Variants in RBKS observed in about 807,000 individuals in gnomAD.
RBKS encodes ribokinase.
RBKS carries 33 observed loss-of-function variants against 33.9 expected under a neutral mutation model. The ratio of observed to expected loss-of-function variants is 0.97; its 90% CI spans 0.74 to 1.30. RBKS has a LOEUF of 1.30. RBKS is among the 50% of genes most tolerant of loss of function. The pLI is 0.00. For missense variants in RBKS, 361 were observed against 392.6 expected, an observed-to-expected ratio of 0.92 and a Z score of 0.68; for synonymous variants, 125 against 143.0, an observed-to-expected ratio of 0.87 and a Z score of 0.90.
intron 7 of RBKS, among the ~76,000 whole-genome samples, chr2:27,790,143 G>A (rs991077671): frequency 1.3e-5 from 2 of 151,682 alleles, no homozygotes; most frequent in African/African-American, 4.8e-5. Flanking sequence ...CCTGGCCCAT[G>A]ATTTTGAAGC....
At chr2:27,801,950 GAAAA>G (rs1217494223) in intron 7 of RBKS, among the ~76,000 whole-genome samples, 39 of 40,496 alleles carry the variant, frequency 9.6e-4, no homozygotes, top group African/African-American at 3.6e-3. Context: ...AGTAGCTGGG[GAAAA>G]AAAAAAAAAA....
chr2:27,857,498 G>A (rs976370072), intron 2 of RBKS, among the ~76,000 whole-genome samples: 22 of 152,184 alleles, frequency 1.4e-4, no homozygotes, highest in African/African-American at 5.1e-4. Flanking sequence ...CAAAAGCTCA[G>A]TTATATGTAG....
chr2:27,789,973 G>GTGTATATATATATA (rs1677489204), intron 7 of RBKS, among the ~76,000 whole-genome samples: 1 of 85,260 alleles, frequency 1.2e-5, no homozygotes, highest in Non-Finnish European at 2.3e-5. Flanking sequence ...ATATATATAT[G>GTGTATATATATATA]TATATATATA....
chr2:27,784,840 G>A (rs1224204716), intron 7 of RBKS, among the ~76,000 whole-genome samples: 1 of 152,152 alleles, frequency 6.6e-6, no homozygotes, highest in Non-Finnish European at 1.5e-5. Flanking sequence ...TAGGTGCTTT[G>A]CAACATTTAC....
At chr2:27,859,021 T>A (rs781119434) in intron 1 of RBKS, among the ~76,000 whole-genome samples, 2 of 152,332 alleles carry the variant, frequency 1.3e-5, no homozygotes, top group East Asian at 1.9e-4. Flanking sequence ...AGGATTCTGA[T>A]AATCAAGTAC....
rs926012325 is a variant in RBKS, at chr2:27,889,428, C to G, written c.89+829G>C. ...AAAAGATATTCATCAAAAGACTGAACTGCAGTAATTGGAGTGGTAGGATTT... is the reference window on the plus strand; with the variant it reads ...AAAAGATATTCATCAAAAGACTGAAGTGCAGTAATTGGAGTGGTAGGATTT... On this transcript the variant is annotated intron_variant, in intron 1 of 7. Coordinates refer to ENST00000302188, the MANE Select transcript of RBKS (RefSeq NM_022128.3). 5.6e-4 allele frequency among the ~76,000 whole-genome samples: 85 copies of G among 152,250 alleles called. 2 individuals are homozygous for G. The highest frequency in any genetic ancestry group is 2.0e-3 in the African/African-American group (82 of 41,546).
At position 27,848,013 on chromosome 2, in the gene RBKS, T is replaced by A. The variant is rs557380108; in HGVS notation, c.286+21A>T. On this transcript the variant is annotated intron_variant, in intron 3 of 7. Coordinates refer to ENST00000302188, the MANE Select transcript of RBKS (RefSeq NM_022128.3). Reference sequence around the variant, plus strand: ...AGAAAAAAGCTATAAACACTAACTTTAAAAAAGGTGGGAATTTTACCTGTA... The same window carrying A: ...AGAAAAAAGCTATAAACACTAACTTAAAAAAAGGTGGGAATTTTACCTGTA... 84 of 1,319,138 alleles carry A rather than the reference T, an allele frequency of 6.4e-5. No homozygotes were observed. The South Asian group carries it at 1.0e-3, about 16-fold the overall frequency. 81.7% of individuals were successfully genotyped at this position (1,319,138 alleles called of 1,614,324 possible).
At chr2:27,800,420 T>G (rs1394565886) in intron 7 of RBKS, among the ~76,000 whole-genome samples, 2 of 152,238 alleles carry the variant, frequency 1.3e-5, no homozygotes, top group African/African-American at 4.8e-5. Context: ...GGCAAGTCAC[T>G]CAGCTTTTCT....
chr2:27,859,311 C>T (rs548463410), intron 1 of RBKS, among the ~76,000 whole-genome samples: 1 of 152,278 alleles, frequency 6.6e-6, no homozygotes, highest in African/African-American at 2.4e-5. Context: ...CCCTCATTCA[C>T]CTATCATCCA....
In RBKS at chr2:27,858,554, G is replaced by A. The variant is rs1238701004; in HGVS notation, c.107C>T (p.Pro36Leu). 6.2e-7 allele frequency: 1 copy of A among 1,613,444 alleles called. No homozygotes were observed. The highest frequency in any genetic ancestry group is 1.1e-5 in the South Asian group (1 of 91,040). ...TDLVSLTSRL[P>L]KTGETIHGHK... ...TCCATGGATGGTTTCTCCAGTTTTTGGCAAACGAGAAGTAAGACTATTGTA... is the reference window on the plus strand; with the variant it reads ...TCCATGGATGGTTTCTCCAGTTTTTAGCAAACGAGAAGTAAGACTATTGTA... Residue 36 changes from proline (P) to leucine (L), a missense_variant, in exon 2 of 8, where the codon CCA (proline) becomes CTA (leucine). Pro to Leu is a moderately conservative substitution (Grantham distance 98, BLOSUM62 -3). Transcript: ENST00000302188.
intron 7 of RBKS, among the ~76,000 whole-genome samples, chr2:27,823,623 A>G (rs1411634173): frequency 6.6e-6 from 1 of 152,176 alleles, no homozygotes; most frequent in Non-Finnish European, 1.5e-5. Flanking sequence ...AGATTTATGA[A>G]GAGGCTGCAC....
intron 7 of RBKS, among the ~76,000 whole-genome samples, chr2:27,794,297 C>A (rs1186313105): frequency 7.4e-6 from 1 of 135,966 alleles, no homozygotes; most frequent in African/African-American, 2.9e-5. Context: ...AACTCCATCC[C>A]CCCCACAAAA....
intron 1 of RBKS, among the ~76,000 whole-genome samples, chr2:27,882,655 T>C (rs1664441835): frequency 6.6e-6 from 1 of 152,174 alleles, no homozygotes. Flanking sequence ...CTATTCACAA[T>C]AGCAAAGACA....
intron 1 of RBKS, among the ~76,000 whole-genome samples, chr2:27,887,793 GA>G: frequency 6.6e-6 from 1 of 152,142 alleles, no homozygotes; most frequent in South Asian, 2.1e-4. Flanking sequence ...TGATTCATGT[GA>G]AGAGAAGAAA....
intron 7 of RBKS, among the ~76,000 whole-genome samples, chr2:27,800,896 T>C (rs1459928712): frequency 6.6e-6 from 1 of 152,152 alleles, no homozygotes; most frequent in East Asian, 1.9e-4. Flanking sequence ...CTGAAATCCA[T>C]TCCCCATGCT....
intron 1 of RBKS, among the ~76,000 whole-genome samples, chr2:27,877,697 T>C (rs1664340092): frequency 6.6e-6 from 1 of 152,234 alleles, no homozygotes; most frequent in Admixed American, 6.5e-5. Flanking sequence ...CATTAGTGTT[T>C]CCTTATAAAA....
At chr2:27,866,655 C>T in intron 1 of RBKS, among the ~76,000 whole-genome samples, 1 of 152,128 alleles carries the variant, frequency 6.6e-6, no homozygotes, top group East Asian at 1.9e-4. Flanking sequence ...CTGTCATGTT[C>T]ACTCTGCTAT....
At chr2:27,813,572 C>T (rs151043273) in intron 7 of RBKS, among the ~76,000 whole-genome samples, 1 of 151,776 alleles carries the variant, frequency 6.6e-6, no homozygotes, top group East Asian at 1.9e-4. Context: ...GAATATAGTA[C>T]TGAGAGTCCA....
chr2:27,837,578 G>T lies in RBKS; in HGVS notation c.515-4801C>A, dbSNP rs1318453358. Among the ~76,000 whole-genome samples the T allele has an allele frequency of 2.0e-5, 3 of 152,224 alleles. No homozygotes were observed. Among genetic ancestry groups the T allele is most frequent in the Non-Finnish European group, 2.9e-5 (2 of 68,012 alleles). ...TAGCAAAGACATGGAATCAACCTAG[G>T]TGCCCATCAATGGTGGACTGGATAA... On this transcript the variant is annotated intron_variant, in intron 5 of 7. Coordinates refer to ENST00000302188, the MANE Select transcript of RBKS (RefSeq NM_022128.3). This position sits in a 1 kb window ranked among gnomAD's most constrained non-coding sequence, Gnocchi z 4.0.
Sources: gnomAD v4.1 joint callset for allele counts (sites outside exome capture counted in the v4.1 genomes callset) on GRCh38, gnomAD v4.1.1 for gene constraint, Gnocchi (gnomAD v3.1) non-coding constraint, MANE v1.5 for transcripts, NCBI Gene and HGNC (gene_info 2026-07-23, HGNC 2026-07-21) for gene names.